The following PRKN variants were observed in gnomAD, a reference collection of about 807,000 sequenced individuals.
PRKN encodes E3 ubiquitin-protein ligase parkin.
In PRKN, 56 loss-of-function variants were observed where a neutral mutation model predicts 59.5. The observed-to-expected ratio is 0.94, with a 90% CI of 0.76 to 1.18. The LOEUF is 1.18. Among genes scored for constraint, PRKN ranks in the 50% most tolerant of loss-of-function variants. The pLI is 0.00. For missense variants in PRKN, 657 were observed against 596.4 expected (o/e 1.10, Z -1.06); for synonymous variants, 250 against 222.1 (o/e 1.13, Z -1.12).
intron 9 of PRKN, among the ~76,000 whole-genome samples, chr6:161,421,505 G>A (rs1380371169): frequency 4.6e-5 from 7 of 152,154 alleles, no homozygotes; most frequent in Non-Finnish European, 1.0e-4. Flanking sequence ...CATGAGGGTG[G>A]ATAGAGAGTA....
In PRKN at chr6:161,352,813, C is replaced by T. The variant is rs940099500; in HGVS notation, c.1286-2602G>A. Among the ~76,000 whole-genome samples the T allele has an allele frequency of 2.0e-5, 3 of 150,236 alleles. No individual in the cohort carries two copies. Among genetic ancestry groups the T allele is most frequent in the Admixed American group, 6.6e-5 (1 of 15,046 alleles). Reference sequence around the variant, plus strand: ...TTTATTTTTTTGAGATGGAGTCTCGCTCTGTCGCCCAGGCTGGAGTACAGG... The same window carrying T: ...TTTATTTTTTTGAGATGGAGTCTCGTTCTGTCGCCCAGGCTGGAGTACAGG... On this transcript the variant is annotated intron_variant, in intron 11 of 11. Transcript: ENST00000366898. The surrounding 1 kb of genome is among the most constrained non-coding windows in gnomAD (Gnocchi z 5.8).
At chr6:161,878,084 T>C (rs777521593) in intron 6 of PRKN, among the ~76,000 whole-genome samples, 4 of 152,152 alleles carry the variant, frequency 2.6e-5, no homozygotes, top group Non-Finnish European at 5.9e-5. Flanking sequence ...CCATGGATTC[T>C]CTACACAGTC....
intron 1 of PRKN, among the ~76,000 whole-genome samples, chr6:162,492,380 G>A (rs901693034): frequency 2.0e-5 from 3 of 152,190 alleles, no homozygotes; most frequent in Non-Finnish European, 4.4e-5. Flanking sequence ...AGTGCCTAGG[G>A]GAGCACAGCT....
intron 5 of PRKN, among the ~76,000 whole-genome samples, chr6:162,030,326 G>C (rs1053009704): frequency 3.9e-5 from 6 of 152,142 alleles, no homozygotes; most frequent in Non-Finnish European, 8.8e-5. Context: ...AATCACTGCT[G>C]GGAATTAGAG....
rs1417147319 is a variant in PRKN at position 161,347,874 on chromosome 6, C to T, written c.*2225G>A. On this transcript the variant is annotated 3_prime_UTR_variant, in exon 12 of 12. Coordinates refer to ENST00000366898, the MANE Select transcript of PRKN (RefSeq NM_004562.3). ...CTCGTGATCCACCCACCTCGGCCTC[C>T]CAAAGTGCTGGGATTACAGGCATGA... The T allele has an allele frequency of 6.5e-6, 1 of 155,006 alleles. No individual in the cohort carries two copies. Among genetic ancestry groups the T allele is most frequent in the African/African-American group, 2.4e-5 (1 of 41,456 alleles). 9.6% of individuals were successfully genotyped at this position (155,006 alleles called of 1,614,324 possible). A position where few individuals can be genotyped will look rare whatever the true frequency, so the allele number is the denominator to read the frequency against.
At chr6:162,683,605 T>C (rs1779851323) in intron 1 of PRKN, among the ~76,000 whole-genome samples, 1 of 152,130 alleles carries the variant, frequency 6.6e-6, no homozygotes, top group African/African-American at 2.4e-5. Context: ...TATTTTGGTA[T>C]CTGATAAATT....
rs1304132970 is a variant in PRKN, at chr6:161,372,775, G to A, written c.1168-12570C>T. On this transcript the variant is annotated intron_variant, in intron 10 of 11. Coordinates refer to ENST00000366898, the MANE Select transcript of PRKN (RefSeq NM_004562.3). This position sits in a 1 kb window ranked among gnomAD's most constrained non-coding sequence, Gnocchi z 4.2. The stretch of plus-strand genomic sequence containing the variant: ...GCCTGCAGAGCTTCGGAGAACTACT[G>A]CTCGCAGAAGGTCTACATACACTGT... Among the ~76,000 whole-genome samples the A allele has an allele frequency of 2.0e-5, 3 of 151,780 alleles. No homozygotes were observed. The highest frequency in any genetic ancestry group is 7.3e-5 in the African/African-American group (3 of 41,260).
In PRKN at chr6:161,436,773, C is replaced by T. The variant is rs528740972; in HGVS notation, c.1084-49896G>A. ...ATTAAGAGCCATTCCTCAGGGTCTC[C>T]TGGCTATTGAAATGTCTGTATCTGT... On this transcript the variant is annotated intron_variant, in intron 9 of 11. Coordinates refer to ENST00000366898, the MANE Select transcript of PRKN (RefSeq NM_004562.3). 2.6e-5 allele frequency among the ~76,000 whole-genome samples: 4 copies of T among 152,202 alleles called. No homozygotes were observed. The South Asian group carries it at 8.3e-4, about 32-fold the overall frequency.
chr6:162,273,320 T>C (rs1780476959), intron 2 of PRKN, among the ~76,000 whole-genome samples: 1 of 151,296 alleles, frequency 6.6e-6, no homozygotes, highest in South Asian at 2.1e-4. Context: ...GCACAGAAAA[T>C]GTTTCACAAA....
intron 10 of PRKN, among the ~76,000 whole-genome samples, chr6:161,383,058 C>T (rs1325777887): frequency 6.6e-6 from 1 of 152,210 alleles, no homozygotes; most frequent in African/African-American, 2.4e-5. Flanking sequence ...GATGTGAGAA[C>T]ACATCTAAAG....
At chr6:161,970,142 A>G (rs1360908813) in intron 6 of PRKN, among the ~76,000 whole-genome samples, 3 of 152,040 alleles carry the variant, frequency 2.0e-5, no homozygotes, top group African/African-American at 4.8e-5. Flanking sequence ...CCCAGGCTCA[A>G]GCCGTTCTCC....
At chr6:162,008,710 C>T (rs1392457524) in intron 5 of PRKN, among the ~76,000 whole-genome samples, 1 of 152,120 alleles carries the variant, frequency 6.6e-6, no homozygotes, top group Non-Finnish European at 1.5e-5. Context: ...TAGAAAAATA[C>T]ATCCTGAGAA....
intron 6 of PRKN, among the ~76,000 whole-genome samples, chr6:161,850,351 G>T (rs558247911): frequency 1.7e-4 from 26 of 152,220 alleles, no homozygotes; most frequent in Middle Eastern, 3.4e-3. Context: ...AGGCTGAGGT[G>T]CGTGGATCAC....
chr6:162,157,255 C>T (rs901681954), intron 4 of PRKN, among the ~76,000 whole-genome samples: 1 of 151,962 alleles, frequency 6.6e-6, no homozygotes, highest in African/African-American at 2.4e-5. Context: ...CCTTCCTGCA[C>T]AGAAAAGACA....
intron 3 of PRKN, among the ~76,000 whole-genome samples, chr6:162,219,132 G>A (rs1218243928): frequency 1.3e-5 from 2 of 152,130 alleles, no homozygotes; most frequent in African/African-American, 2.4e-5. Context: ...TCAAGGCTAC[G>A]GTGAGCCATG....
At chr6:161,512,252 C>T (rs2115334647) in intron 9 of PRKN, among the ~76,000 whole-genome samples, 1 of 151,752 alleles carries the variant, frequency 6.6e-6, no homozygotes, top group Non-Finnish European at 1.5e-5. Context: ...CAGCACATCC[C>T]AAGCTCAGAA....
At chr6:162,581,858 CT>C (rs1217895198) in intron 1 of PRKN, among the ~76,000 whole-genome samples, 1 of 152,112 alleles carries the variant, frequency 6.6e-6, no homozygotes, top group Admixed American at 6.6e-5. Flanking sequence ...ACATTTTCCC[CT>C]AATTTATCTT....
Position 162,033,245 on chromosome 6 carries a change from T to G in PRKN, c.618+20846A>C, listed in dbSNP as rs201100402. On this transcript the variant is annotated intron_variant, in intron 5 of 11. Coordinates refer to ENST00000366898, the MANE Select transcript of PRKN (RefSeq NM_004562.3). ...CTGGCTTTCACCCTTCTGAAACATC[T>G]CTTTTTATGGAAGACATTCATTGAT... 2.6e-5 allele frequency among the ~76,000 whole-genome samples: 4 copies of G among 152,356 alleles called. No homozygotes were observed. The East Asian group carries it at 7.7e-4, about 29-fold the overall frequency.
intron 2 of PRKN, among the ~76,000 whole-genome samples, chr6:162,409,000 CCT>C (rs1411807444): frequency 9.0e-4 from 136 of 151,898 alleles, no homozygotes; most frequent in African/African-American, 2.9e-3. Flanking sequence ...TCCCACTCCC[CCT>C]GTCTCTCTGA....
Sources: allele counts gnomAD v4.1 joint callset (sites outside exome capture counted in the v4.1 genomes callset), GRCh38; gene constraint gnomAD v4.1.1; non-coding constraint Gnocchi (gnomAD v3.1); transcripts MANE v1.5; gene names NCBI Gene and HGNC (gene_info 2026-07-23, HGNC 2026-07-21).